DGCR2: variants seen among roughly 807,000 people sequenced by gnomAD.
The protein encoded by DGCR2 is DiGeorge syndrome critical region gene 2.
In DGCR2, 24 loss-of-function variants were observed where a neutral mutation model predicts 51.6. The observed-to-expected ratio is 0.47, with a 90% CI of 0.34 to 0.65. DGCR2 has a LOEUF of 0.65. DGCR2 is among the 30% of genes least tolerant of loss of function. DGCR2 has a pLI of 0.01. For synonymous variants in DGCR2, 340 were observed against 315.4 expected, an observed-to-expected ratio of 1.08 and a Z score of -0.82; for missense variants, 765 against 772.1, an observed-to-expected ratio of 0.99 and a Z score of 0.11.
rs2082391606 is a variant in DGCR2 at position 19,038,207 on chromosome 22, A to G, written c.*658T>C. 1 of 152,776 alleles carries G rather than the reference A, an allele frequency of 6.5e-6. No individual in the cohort carries two copies. The highest frequency in any genetic ancestry group is 1.5e-5 in the Non-Finnish European group (1 of 68,440). The allele number at this position is 152,776 out of a possible 1,614,324, so 9.5% of individuals were successfully genotyped here. A position where few individuals can be genotyped will look rare whatever the true frequency, so the allele number is the denominator to read the frequency against. On this transcript the variant is annotated 3_prime_UTR_variant, in exon 10 of 10. Coordinates refer to ENST00000263196, the MANE Select transcript of DGCR2 (RefSeq NM_005137.3). The stretch of plus-strand genomic sequence containing the variant: ...GAGCCCAGATGGAAAGACACAGTGA[A>G]GAGCTCAACCTCCTTCCAAGCTCTC...
At chr22:19,087,752 T>C (rs1031094272) in intron 2 of DGCR2, among the ~76,000 whole-genome samples, 6 of 150,418 alleles carry the variant, frequency 4.0e-5, no homozygotes, top group South Asian at 2.2e-4. Flanking sequence ...TGGCACAATC[T>C]TGACTCACTG....
chr22:19,049,270 C>T (rs1405123675), intron 6 of DGCR2, among the ~76,000 whole-genome samples: 1 of 151,964 alleles, frequency 6.6e-6, no homozygotes, highest in Non-Finnish European at 1.5e-5. Flanking sequence ...TCCACTGGAC[C>T]TGAGGCACAC....
At chr22:19,086,140 A>G (rs1330011193) in intron 2 of DGCR2, among the ~76,000 whole-genome samples, 1 of 152,198 alleles carries the variant, frequency 6.6e-6, no homozygotes, top group African/African-American at 2.4e-5. Context: ...GTACATTTTT[A>G]TGACTTAATT....
rs1465383806 is a variant in DGCR2, at chr22:19,041,802, C to T, written c.1159+5G>A. On this transcript the variant is annotated splice_donor_5th_base_variant and intron_variant, in intron 8 of 9. Transcript: ENST00000263196. ...CCAGGGTTGTGGCCCTCAGAGGGCA[C>T]TTACAGTTTGCTCCAATCAGGGACT... The T allele has an allele frequency of 1.2e-6, 2 of 1,611,218 alleles. No individual in the cohort carries two copies. Among genetic ancestry groups the T allele is most frequent in the South Asian group, 2.2e-5 (2 of 90,894 alleles).
intron 1 of DGCR2, among the ~76,000 whole-genome samples, chr22:19,119,782 G>A (rs571513872): frequency 6.7e-6 from 1 of 149,062 alleles, no homozygotes; most frequent in Admixed American, 6.7e-5. Context: ...AGTACAGCAA[G>A]CACTTGCTGC....
At chr22:19,064,537 G>C (rs1374375353) in intron 4 of DGCR2, among the ~76,000 whole-genome samples, 2 of 152,120 alleles carry the variant, frequency 1.3e-5, no homozygotes, top group Non-Finnish European at 2.9e-5. Flanking sequence ...ACACAAGCCA[G>C]CACCCCCAGC....
At chr22:19,045,032 C>G (rs1024340564) in intron 7 of DGCR2, among the ~76,000 whole-genome samples, 1 of 152,102 alleles carries the variant, frequency 6.6e-6, no homozygotes, top group Non-Finnish European at 1.5e-5. Flanking sequence ...TGTTGCCTAA[C>G]CCATGGTCAC....
intron 6 of DGCR2, among the ~76,000 whole-genome samples, chr22:19,052,401 G>GA (rs1287847920): frequency 6.7e-6 from 1 of 148,488 alleles, no homozygotes; most frequent in Admixed American, 6.8e-5. Context: ...GGGCAACAGA[G>GA]AAAGACTCTG....
intron 2 of DGCR2, among the ~76,000 whole-genome samples, chr22:19,072,869 T>C (rs963308859): frequency 7.2e-5 from 11 of 152,038 alleles, no homozygotes; most frequent in African/African-American, 1.9e-4. Context: ...CAAGACTCTG[T>C]CTAAAAAATA....
At chr22:19,056,408 C>T in intron 6 of DGCR2, 1 of 474,050 alleles carries the variant, frequency 2.1e-6, no homozygotes, top group East Asian at 4.8e-5. Flanking sequence ...CAAAGCCTCT[C>T]CCCAACCTGC....
intron 2 of DGCR2, among the ~76,000 whole-genome samples, chr22:19,072,265 A>T (rs1465275269): frequency 6.6e-6 from 1 of 152,134 alleles, no homozygotes; most frequent in Non-Finnish European, 1.5e-5. Context: ...CCAGGCAGAT[A>T]GGAAATGGTC....
chr22:19,066,480 GAGA>G (rs1391290596), intron 3 of DGCR2, among the ~76,000 whole-genome samples: 1 of 152,170 alleles, frequency 6.6e-6, no homozygotes, highest in Non-Finnish European at 1.5e-5. Context: ...ATCAGCTCTC[GAGA>G]AGGTGTGTTG....
Position 19,087,678 on chromosome 22 carries a change from C to CTTT in DGCR2, c.202+1687_202+1689dup, listed in dbSNP as rs35513614. On this transcript the variant is annotated intron_variant, in intron 2 of 9. Coordinates refer to ENST00000263196, the MANE Select transcript of DGCR2 (RefSeq NM_005137.3). Reference sequence around the variant, plus strand: ...ATAAGGCATGAGCCACTGCACCTGGCTTTTTTTTTTTTTTTTTTGCCTTTG... The same window carrying CTTT: ...ATAAGGCATGAGCCACTGCACCTGGCTTTTTTTTTTTTTTTTTTTTTGCCTTTG... Among the ~76,000 whole-genome samples, 474 of 120,248 alleles carry CTTT rather than the reference C, an allele frequency of 3.9e-3. 6 individuals carry two copies. The highest frequency in any genetic ancestry group is 0.01 in the East Asian group (44 of 4,232). The allele number at this position is 120,248 out of a possible 152,430, so 78.9% of individuals were successfully genotyped here.
At chr22:19,099,970 T>TA (rs66745825) in intron 1 of DGCR2, among the ~76,000 whole-genome samples, 67,355 of 140,772 alleles carry the variant, frequency 0.48, 16,570 homozygotes, top group African/African-American at 0.68. Flanking sequence ...ATTCTGTCTT[T>TA]AAAAAAAAAA....
At position 19,063,275 on chromosome 22, in the gene DGCR2, C is replaced by A. The variant is rs1175203393; in HGVS notation, c.552G>T (p.Leu184Phe). The stretch of plus-strand genomic sequence containing the variant: ...TGATAACATACTGATAGCCAACCCA[C>A]AACCTGCAGGGCACAGAGACAGAGA... ...RSFGWKDQRK[L>F]WVGYQYVITG... The change falls in exon 5 of 10, where the codon TTG (leucine) becomes TTT (phenylalanine). Residue 184 changes from leucine to phenylalanine, a missense_variant. This residue lies in a region of DGCR2 where 370 missense variants were observed against 325.5 expected (regional missense o/e 1.14). Transcript: ENST00000263196. 2 of 1,614,106 alleles carry A rather than the reference C, an allele frequency of 1.2e-6. No homozygotes were observed. Among genetic ancestry groups the A allele is most frequent in the Admixed American group, 1.7e-5 (1 of 60,022 alleles).
chr22:19,102,697 G>A (rs964336626), intron 1 of DGCR2, among the ~76,000 whole-genome samples: 4 of 148,612 alleles, frequency 2.7e-5, no homozygotes, highest in Admixed American at 6.7e-5. Context: ...GCGAGACTCC[G>A]TCTCAAAAAA....
Sources: allele counts gnomAD v4.1 joint callset (sites outside exome capture counted in the v4.1 genomes callset), GRCh38; gene constraint gnomAD v4.1.1; regional missense constraint gnomAD v4.1.1; transcripts MANE v1.5; gene names NCBI Gene and HGNC (gene_info 2026-07-23, HGNC 2026-07-21).